PPP2R2B: variants seen among roughly 807,000 people sequenced by gnomAD.
The protein encoded by PPP2R2B is serine/threonine-protein phosphatase 2A 55 kDa regulatory subunit B beta isoform.
A neutral mutation model predicts 46.0 loss-of-function variants in PPP2R2B; 5 were observed. That is an observed-to-expected ratio of 0.11 (90% CI 0.06 to 0.23). PPP2R2B has a LOEUF of 0.23. Ranked by LOEUF, PPP2R2B falls within the 10% of genes least tolerant of loss-of-function variation. PPP2R2B has a pLI of 1.00. For synonymous variants in PPP2R2B, 215 were observed against 206.7 expected (o/e 1.04, Z -0.34); for missense variants, 367 against 575.0 (o/e 0.64, Z 3.70).
intron 7 of PPP2R2B, among the ~76,000 whole-genome samples, chr5:146,633,366 C>T (rs1774567445): frequency 1.3e-5 from 2 of 152,250 alleles, no homozygotes; most frequent in Non-Finnish European, 2.9e-5. Context: ...CAATTCCGAT[C>T]ACACACCTCG....
At chr5:146,970,012 G>A (rs1752595575) in intron 1 of PPP2R2B, among the ~76,000 whole-genome samples, 1 of 152,174 alleles carries the variant, frequency 6.6e-6, no homozygotes, top group Non-Finnish European at 1.5e-5. Flanking sequence ...GTGTATGGAT[G>A]TAATCATCCA....
At chr5:146,976,027 T>C in intron 1 of PPP2R2B, among the ~76,000 whole-genome samples, 1 of 151,646 alleles carries the variant, frequency 6.6e-6, no homozygotes, top group Admixed American at 6.6e-5. Context: ...CCTGGTATCA[T>C]ATCCAAGAAA....
chr5:147,036,872 T>C (rs1170929713), intron 1 of PPP2R2B, among the ~76,000 whole-genome samples: 9 of 152,196 alleles, frequency 5.9e-5, no homozygotes, highest in African/African-American at 9.6e-5. Flanking sequence ...CCAGTGATGG[T>C]TGCAATGGAG....
rs538011758 is a variant in PPP2R2B at position 146,581,982 on chromosome 5, A to T, written c.*7965T>A. On this transcript the variant is annotated 3_prime_UTR_variant, in exon 10 of 10. Transcript: ENST00000394411. ...GCATGTAGAATAAAATCCAGCATTCACTCAGCACACAGCCCCACTGACCCT... is the reference window on the plus strand; with the variant it reads ...GCATGTAGAATAAAATCCAGCATTCTCTCAGCACACAGCCCCACTGACCCT... The T allele has an allele frequency of 7.9e-5, 12 of 152,246 alleles. No homozygotes were observed. The highest frequency in any genetic ancestry group is 2.9e-4 in the African/African-American group (12 of 41,530). The allele number at this position is 152,246 out of a possible 1,614,324, so 9.4% of individuals were successfully genotyped here.
chr5:146,724,163 A>C (rs1751698998), intron 2 of PPP2R2B, among the ~76,000 whole-genome samples: 1 of 152,182 alleles, frequency 6.6e-6, no homozygotes, highest in African/African-American at 2.4e-5. Context: ...TGTCCTTTAG[A>C]ATGAAAACAT....
upstream of PPP2R2B, among the ~76,000 whole-genome samples, chr5:147,056,592 A>G (rs1757092093): frequency 6.6e-6 from 1 of 152,212 alleles, no homozygotes; most frequent in Non-Finnish European, 1.5e-5. Flanking sequence ...CCCTGATGGC[A>G]TTAAAAAACA....
intron 2 of PPP2R2B, among the ~76,000 whole-genome samples, chr5:146,791,191 C>A (rs1238331432): frequency 1.3e-5 from 2 of 152,020 alleles, no homozygotes. Context: ...TGAAAAGTGG[C>A]AGGGAATTTT....
intron 2 of PPP2R2B, among the ~76,000 whole-genome samples, chr5:146,826,502 C>A (rs1029984993): frequency 6.6e-6 from 1 of 152,104 alleles, no homozygotes; most frequent in African/African-American, 2.4e-5. Context: ...TCTTCAGTTT[C>A]CATGATGTAA....
intron 2 of PPP2R2B, among the ~76,000 whole-genome samples, chr5:146,845,762 AAT>A (rs551749724): frequency 8.5e-4 from 130 of 152,268 alleles, no homozygotes; most frequent in African/African-American, 2.9e-3. Flanking sequence ...ATGTACACTA[AAT>A]TCTGTTTCCC....
chr5:146,819,493 G>C (rs148394211), intron 2 of PPP2R2B, among the ~76,000 whole-genome samples: 1 of 152,304 alleles, frequency 6.6e-6, no homozygotes, highest in Non-Finnish European at 1.5e-5. Context: ...AGATGGCAAA[G>C]TGTCAACTCC....
intron 1 of PPP2R2B, among the ~76,000 whole-genome samples, chr5:147,019,617 T>G (rs1755168258): frequency 6.6e-6 from 1 of 152,160 alleles, no homozygotes; most frequent in South Asian, 2.1e-4. Context: ...AAAGTCTATC[T>G]ATTACTTTGA....
chr5:146,768,671 C>T (rs7722749), intron 2 of PPP2R2B, among the ~76,000 whole-genome samples: 9 of 152,278 alleles, frequency 5.9e-5, no homozygotes, highest in African/African-American at 1.7e-4. Context: ...TACCATCTGA[C>T]GCTGGGCCCA....
chr5:146,660,830 C>T (rs543920409), intron 5 of PPP2R2B, among the ~76,000 whole-genome samples: 2 of 152,174 alleles, frequency 1.3e-5, no homozygotes, highest in African/African-American at 4.8e-5. Flanking sequence ...TTATTAAGTG[C>T]CAATCACTGT....
At chr5:146,595,352 A>G (rs371076765) in intron 8 of PPP2R2B, among the ~76,000 whole-genome samples, 29 of 152,306 alleles carry the variant, frequency 1.9e-4, no homozygotes, top group South Asian at 6.2e-4. Context: ...GTCTAGTTCC[A>G]TATGTCTGCT....
At chr5:147,036,059 C>T (rs1756019229) in intron 1 of PPP2R2B, among the ~76,000 whole-genome samples, 2 of 152,060 alleles carry the variant, frequency 1.3e-5, no homozygotes, top group African/African-American at 2.4e-5. Context: ...AGGTTTGTTA[C>T]ATAGGTAAAC....
chr5:146,989,873 T>G (rs749743697), intron 1 of PPP2R2B, among the ~76,000 whole-genome samples: 7 of 151,796 alleles, frequency 4.6e-5, no homozygotes, highest in Non-Finnish European at 8.8e-5. Context: ...AAAAAACTAT[T>G]AGAATTAATA....
intron 7 of PPP2R2B, among the ~76,000 whole-genome samples, chr5:146,628,467 G>C (rs535169430): frequency 1.1e-4 from 16 of 152,324 alleles, no homozygotes; most frequent in African/African-American, 3.8e-4. Flanking sequence ...GCAAGGATTG[G>C]TGCTGCAGGG....
At chr5:147,033,291 C>G (rs1424765293) in intron 1 of PPP2R2B, among the ~76,000 whole-genome samples, 3 of 152,124 alleles carry the variant, frequency 2.0e-5, no homozygotes. Flanking sequence ...ATCTATACCT[C>G]TCATTCTGTT....
At chr5:146,617,386 G>C (rs1360552139) in intron 7 of PPP2R2B, among the ~76,000 whole-genome samples, 1 of 152,158 alleles carries the variant, frequency 6.6e-6, no homozygotes, top group Non-Finnish European at 1.5e-5. Flanking sequence ...AACATAAAGA[G>C]TACATGCTTG....
Sources: gnomAD v4.1 joint callset for allele counts (sites outside exome capture counted in the v4.1 genomes callset) on GRCh38, gnomAD v4.1.1 for gene constraint, MANE v1.5 for transcripts, NCBI Gene and HGNC (gene_info 2026-07-23, HGNC 2026-07-21) for gene names.